ZBTB20: variants seen among roughly 807,000 people sequenced by gnomAD.
ZBTB20 encodes zinc finger and BTB domain containing 20.
ZBTB20 carries 9 observed loss-of-function variants against 56.9 expected under a neutral mutation model. The ratio of observed to expected loss-of-function variants is 0.16; its 90% CI spans 0.10 to 0.28. The LOEUF is 0.28. ZBTB20 is among the 10% of genes least tolerant of loss of function. ZBTB20 has a pLI of 1.00. For synonymous variants in ZBTB20, 417 were observed against 420.7 expected, an observed-to-expected ratio of 0.99 and a Z score of 0.11; for missense variants, 655 against 1,003.0, an observed-to-expected ratio of 0.65 and a Z score of 4.69.
At chr3:115,048,037 G>A (rs1424656028) in intron 2 of ZBTB20, among the ~76,000 whole-genome samples, 2 of 151,770 alleles carry the variant, frequency 1.3e-5, no homozygotes, top group Non-Finnish European at 2.9e-5. Flanking sequence ...TGGCTAACAC[G>A]GTGAAACCCC....
chr3:115,117,018 T>C (rs2084039208), intron 1 of ZBTB20, among the ~76,000 whole-genome samples: 1 of 152,134 alleles, frequency 6.6e-6, no homozygotes, highest in Non-Finnish European at 1.5e-5. Context: ...ATTGACAGGA[T>C]GTTCAATTAA....
chr3:115,065,769 A>C (rs1281038048), intron 2 of ZBTB20, among the ~76,000 whole-genome samples: 2 of 152,192 alleles, frequency 1.3e-5, no homozygotes, highest in Non-Finnish European at 2.9e-5. Flanking sequence ...AAAGAGGTTA[A>C]GTGGTTTGTG....
intron 1 of ZBTB20, among the ~76,000 whole-genome samples, chr3:115,091,392 T>C (rs568341495): frequency 1.3e-5 from 2 of 152,030 alleles, no homozygotes; most frequent in African/African-American, 2.4e-5. Context: ...ACTCATTTTA[T>C]ACATAGGAAG....
intron 7 of ZBTB20, among the ~76,000 whole-genome samples, chr3:114,479,074 G>T (rs1423818279): frequency 6.8e-6 from 1 of 147,870 alleles, no homozygotes; most frequent in Non-Finnish European, 1.5e-5. Context: ...ATTGGGGGGG[G>T]GCCACAGTAG....
At chr3:114,558,970 C>G (rs2051638539) in intron 6 of ZBTB20, among the ~76,000 whole-genome samples, 1 of 152,136 alleles carries the variant, frequency 6.6e-6, no homozygotes, top group South Asian at 2.1e-4. Flanking sequence ...AGGTCTCAAC[C>G]AAATGCCATC....
chr3:114,407,920 A>G (rs2087497140), intron 7 of ZBTB20, among the ~76,000 whole-genome samples: 2 of 151,714 alleles, frequency 1.3e-5, no homozygotes, highest in South Asian at 2.1e-4. Flanking sequence ...GAGGGGGGGG[A>G]AACATCTTTA....
At chr3:114,379,600 C>A (rs75992705) in intron 10 of ZBTB20, among the ~76,000 whole-genome samples, 2,761 of 152,198 alleles carry the variant, frequency 0.018, 34 homozygotes, top group Non-Finnish European at 0.028. Flanking sequence ...CAAATTTAGC[C>A]CTTAGGCAGT....
intron 7 of ZBTB20, among the ~76,000 whole-genome samples, chr3:114,427,426 C>T (rs1476318027): frequency 6.6e-6 from 1 of 152,202 alleles, no homozygotes; most frequent in Non-Finnish European, 1.5e-5. Context: ...AACACATCAT[C>T]AGCACAAAAA....
At position 114,350,858 on chromosome 3, in the gene ZBTB20, G is replaced by A. The variant is rs777138054; in HGVS notation, c.1220C>T (p.Thr407Ile). 3 of 1,610,910 alleles carry A rather than the reference G, an allele frequency of 1.9e-6. No homozygotes were observed. In the African/African-American group the frequency reaches 4.0e-5, roughly 22 times the overall value. ...GAARDSQAEP[T>I]QPEQAAEAPA... The stretch of plus-strand genomic sequence containing the variant: ...GGCTTCTGCAGCCTGCTCGGGTTGG[G>A]TGGGTTCAGCCTGGCTGTCCCGCGC... Residue 407 changes from threonine (T) to isoleucine (I), a missense_variant, in exon 11 of 12, where the codon ACC (threonine) becomes ATC (isoleucine). Thr to Ile is a moderately conservative substitution (Grantham distance 89). Coordinates refer to ENST00000675478, the MANE Select transcript of ZBTB20 (RefSeq NM_001348800.3).
chr3:114,542,197 G>A (rs1171092916), intron 6 of ZBTB20, among the ~76,000 whole-genome samples: 1 of 152,066 alleles, frequency 6.6e-6, no homozygotes, highest in Non-Finnish European at 1.5e-5. Flanking sequence ...TAACTCTGAA[G>A]GCAGGTGAGT....
chr3:114,740,954 T>C (rs959641332), intron 5 of ZBTB20, among the ~76,000 whole-genome samples: 1 of 152,188 alleles, frequency 6.6e-6, no homozygotes, highest in Non-Finnish European at 1.5e-5. Context: ...TACGAAACTT[T>C]AGATAAACAT....
chr3:114,347,948 A>G (rs2080332154), intron 11 of ZBTB20, among the ~76,000 whole-genome samples: 1 of 152,216 alleles, frequency 6.6e-6, no homozygotes, highest in African/African-American at 2.4e-5. Context: ...GACTCTACCT[A>G]TAGCTTTTGC....
chr3:114,966,251 C>T lies in ZBTB20; in HGVS notation c.-456+8115G>A, dbSNP rs187828571. Among the ~76,000 whole-genome samples, 144 of 151,928 alleles carry T rather than the reference C, an allele frequency of 9.5e-4. 2 individuals carry two copies. Among genetic ancestry groups the T allele is most frequent in the Non-Finnish European group, 1.0e-3 (71 of 67,936 alleles). On this transcript the variant is annotated intron_variant, in intron 3 of 11. Coordinates refer to ENST00000675478, the MANE Select transcript of ZBTB20 (RefSeq NM_001348800.3). ...CCCTTCCAGTATAGTATTGGTGAGA[C>T]GGTAACTCCAGGTTCAAAGATAAAC...
chr3:114,623,444 C>T (rs1223474363), intron 6 of ZBTB20, among the ~76,000 whole-genome samples: 2 of 152,142 alleles, frequency 1.3e-5, no homozygotes, highest in African/African-American at 4.8e-5. Flanking sequence ...GATAAATTTC[C>T]TGGGAACCAA....
In ZBTB20 at chr3:114,320,880, G is replaced by T. The variant is rs978774002; in HGVS notation, c.*18125C>A. 6.6e-6 allele frequency: 1 copy of T among 152,142 alleles called. No individual in the cohort carries two copies. The highest frequency in any genetic ancestry group is 2.4e-5 in the African/African-American group (1 of 41,434). The allele number at this position is 152,142 out of a possible 1,614,324, so 9.4% of individuals were successfully genotyped here. Reference sequence around the variant, plus strand: ...ATTAAAATGAAAAGGGGTATAGAAAGATATATTTTAGATAATATAAACTCC... The same window carrying T: ...ATTAAAATGAAAAGGGGTATAGAAATATATATTTTAGATAATATAAACTCC... On this transcript the variant is annotated 3_prime_UTR_variant, in exon 12 of 12. Coordinates refer to ENST00000675478, the MANE Select transcript of ZBTB20 (RefSeq NM_001348800.3).
At chr3:114,515,078 G>A (rs909108087) in intron 6 of ZBTB20, among the ~76,000 whole-genome samples, 1 of 152,146 alleles carries the variant, frequency 6.6e-6, no homozygotes, top group Non-Finnish European at 1.5e-5. Context: ...CTTGAATCCA[G>A]TCTATGCCCT....
In ZBTB20 at chr3:114,332,697, A is replaced by C. The variant is rs1035307286; in HGVS notation, c.*6308T>G. 1 of 152,196 alleles carries C rather than the reference A, an allele frequency of 6.6e-6. No homozygotes were observed. Among genetic ancestry groups the C allele is most frequent in the African/African-American group, 2.4e-5 (1 of 41,444 alleles). The allele number at this position is 152,196 out of a possible 1,614,324, so 9.4% of individuals were successfully genotyped here. A position where few individuals can be genotyped will look rare whatever the true frequency, so the allele number is the denominator to read the frequency against. On this transcript the variant is annotated 3_prime_UTR_variant, in exon 12 of 12. Transcript: ENST00000675478. ...TTTCTATATCTTTTATCCTCTTCCCAGGGCTTTCTGATTTAAGGCAATAAT... is the reference window on the plus strand; with the variant it reads ...TTTCTATATCTTTTATCCTCTTCCCCGGGCTTTCTGATTTAAGGCAATAAT...
chr3:115,098,025 A>C (rs1006952636), intron 1 of ZBTB20, among the ~76,000 whole-genome samples: 2 of 152,240 alleles, frequency 1.3e-5, no homozygotes, highest in African/African-American at 4.8e-5. Flanking sequence ...CTACATTATT[A>C]CTTGCTTTTA....
At chr3:114,733,372 A>G (rs2065900805) in intron 5 of ZBTB20, among the ~76,000 whole-genome samples, 1 of 152,120 alleles carries the variant, frequency 6.6e-6, no homozygotes, top group Admixed American at 6.6e-5. Context: ...CTTCTGCACA[A>G]GTTTTTCTAG....
Sources: allele counts gnomAD v4.1 joint callset (sites outside exome capture counted in the v4.1 genomes callset), GRCh38; gene constraint gnomAD v4.1.1; transcripts MANE v1.5; gene names NCBI Gene and HGNC (gene_info 2026-07-23, HGNC 2026-07-21).